Variants in AGTPBP1 observed in about 807,000 individuals in gnomAD.
AGTPBP1 encodes the protein ATP/GTP binding carboxypeptidase 1.
A neutral mutation model predicts 143.9 loss-of-function variants in AGTPBP1; 70 were observed. The ratio of observed to expected loss-of-function variants is 0.49; its 90% CI spans 0.40 to 0.59. The LOEUF is 0.59. AGTPBP1 is among the 20% of genes least tolerant of loss of function. The pLI is 0.00. For synonymous variants in AGTPBP1, 463 were observed against 500.2 expected (o/e 0.93, Z 0.99); for missense variants, 1,229 against 1,464.5 (o/e 0.84, Z 2.62).
At chr9:85,669,341 C>A in intron 8 of AGTPBP1, 144 bp downstream of exon 8, 1 of 452,738 alleles carries the variant, frequency 2.2e-6, no homozygotes, top group Non-Finnish European at 3.9e-6. Context: ...AAATCTTTAT[C>A]ATGATAAAAT....
At chr9:85,645,657 C>T (rs1413632998) in intron 12 of AGTPBP1, among the ~76,000 whole-genome samples, 1 of 151,920 alleles carries the variant, frequency 6.6e-6, no homozygotes, top group African/African-American at 2.4e-5. Flanking sequence ...AATCCCTCCT[C>T]CCCCATAAAA....
chr9:85,633,408 T>C, intron 13 of AGTPBP1, 34 bp from the exon 14 acceptor site: 2 of 1,433,686 alleles, frequency 1.4e-6, no homozygotes, highest in Non-Finnish European at 9.4e-7. Context: ...ATCTTTTAAC[T>C]GTAAATATTA....
rs554370216 is a variant in AGTPBP1, at chr9:85,578,979, C to T, written c.3283G>A (p.Val1095Ile). The T allele has an allele frequency of 3.1e-6, 5 of 1,613,334 alleles. No homozygotes were observed. The South Asian group carries it at 5.5e-5, about 18-fold the overall frequency. ...CTCTCCATGGTATAACTTCTTTGTACTCCTATTTCCCTCCAAACTACAACA... is the reference window on the plus strand; with the variant it reads ...CTCTCCATGGTATAACTTCTTTGTATTCCTATTTCCCTCCAAACTACAACA... The part of the protein sequence containing the change: ...ARVVVWREIG[V>I]QRSYTMESTL... Residue 1095 changes from valine to isoleucine, a missense_variant, in exon 24 of 26, where the codon GTA becomes ATA. Transcript: ENST00000357081.
intron 7 of AGTPBP1, among the ~76,000 whole-genome samples, chr9:85,671,354 G>A (rs1436630810): frequency 6.6e-6 from 1 of 150,944 alleles, no homozygotes; most frequent in Non-Finnish European, 1.5e-5. Flanking sequence ...GACTTTACTG[G>A]TGTTTATTTC....
At chr9:85,777,444 C>T in the AGTPBP1 span, among the ~76,000 whole-genome samples, 1 of 152,176 alleles carries the variant, frequency 6.6e-6, no homozygotes, top group Non-Finnish European at 1.5e-5. Flanking sequence ...CAGCAGTGGC[C>T]GTAGCCAGGT....
chr9:85,671,098 C>T (rs558585974), intron 7 of AGTPBP1, among the ~76,000 whole-genome samples: 76 of 151,686 alleles, frequency 5.0e-4, no homozygotes, highest in Middle Eastern at 3.4e-3. Context: ...CACATCACCA[C>T]AACTAGCCAA....
chr9:85,798,900 G>A, the AGTPBP1 span, among the ~76,000 whole-genome samples: 1 of 152,016 alleles, frequency 6.6e-6, no homozygotes, highest in African/African-American at 2.4e-5. Context: ...TGTACAATGT[G>A]CAGTCTGATA....
At chr9:85,731,133 CTAA>C (rs934554428) in intron 1 of AGTPBP1, among the ~76,000 whole-genome samples, 1 of 152,170 alleles carries the variant, frequency 6.6e-6, no homozygotes, top group African/African-American at 2.4e-5. Flanking sequence ...GGAAGTGATA[CTAA>C]TCATGCATAG....
chr9:85,640,740 C>T (rs1832410736), intron 13 of AGTPBP1, among the ~76,000 whole-genome samples: 1 of 152,150 alleles, frequency 6.6e-6, no homozygotes, highest in Non-Finnish European at 1.5e-5. Flanking sequence ...GACAACTCAT[C>T]ACAATCTAAA....
chr9:85,576,380 ATGAACT>A (rs1827902741), intron 24 of AGTPBP1, among the ~76,000 whole-genome samples: 1 of 152,202 alleles, frequency 6.6e-6, no homozygotes, highest in Non-Finnish European at 1.5e-5. Flanking sequence ...ACTGAAGAAA[ATGAACT>A]TTAACAACTG....
At chr9:85,779,226 T>G in the AGTPBP1 span, among the ~76,000 whole-genome samples, 17 of 136,868 alleles carry the variant, frequency 1.2e-4, no homozygotes, top group African/African-American at 5.6e-4. Context: ...TAGATATAGA[T>G]ATAGATATAG....
intron 2 of AGTPBP1, among the ~76,000 whole-genome samples, chr9:85,696,413 A>C (rs1836241949): frequency 1.3e-5 from 2 of 152,150 alleles, no homozygotes; most frequent in Admixed American, 6.5e-5. Flanking sequence ...CATGCCTGTA[A>C]TTCCAGCACT....
intron 1 of AGTPBP1, among the ~76,000 whole-genome samples, chr9:85,733,765 G>A (rs1401253912): frequency 2.6e-5 from 4 of 152,034 alleles, no homozygotes; most frequent in Non-Finnish European, 4.4e-5. Flanking sequence ...AAATGAAAGG[G>A]GAGACATTCA....
At chr9:85,677,709 TCAAA>T in intron 5 of AGTPBP1, 127 bp from the exon 6 acceptor site, 1 of 802,852 alleles carries the variant, frequency 1.2e-6, no homozygotes, top group Non-Finnish European at 1.8e-6. Context: ...ACCTCTAAAA[TCAAA>T]CAAATAAGGC....
chr9:85,583,231 G>C (rs1828389396), intron 23 of AGTPBP1, among the ~76,000 whole-genome samples: 1 of 152,178 alleles, frequency 6.6e-6, no homozygotes, highest in Non-Finnish European at 1.5e-5. Context: ...CTGATCTGCA[G>C]AACTGTAAGT....
chr9:85,759,720 G>T, the AGTPBP1 span, among the ~76,000 whole-genome samples: 1 of 152,102 alleles, frequency 6.6e-6, no homozygotes, highest in Non-Finnish European at 1.5e-5. Context: ...AACTAGAGAA[G>T]CAAGAGCAAA....
chr9:85,744,849 G>A (rs368451256), upstream of AGTPBP1, among the ~76,000 whole-genome samples: 5 of 152,200 alleles, frequency 3.3e-5, no homozygotes, highest in African/African-American at 1.2e-4. Context: ...GCTGGCTGAC[G>A]CCTTTCAATG....
the AGTPBP1 span, among the ~76,000 whole-genome samples, chr9:85,791,003 T>C: frequency 1.3e-5 from 2 of 152,164 alleles, no homozygotes; most frequent in Non-Finnish European, 2.9e-5. Context: ...TTGTATACTG[T>C]ATTATTGTGT....
At chr9:85,582,349 C>T (rs1231346831) in intron 23 of AGTPBP1, among the ~76,000 whole-genome samples, 2 of 152,130 alleles carry the variant, frequency 1.3e-5, no homozygotes, top group East Asian at 3.9e-4. Context: ...ATCATCTTGA[C>T]ACTTTTGAAG....
Sources: allele counts gnomAD v4.1 joint callset (sites outside exome capture counted in the v4.1 genomes callset), GRCh38; gene constraint gnomAD v4.1.1; transcripts MANE v1.5; gene names NCBI Gene and HGNC (gene_info 2026-07-23, HGNC 2026-07-21).